Variants in C12orf42 observed in about 807,000 individuals in gnomAD.
C12orf42 encodes the protein chromosome 12 open reading frame 42.
Under a neutral mutation model 21.6 loss-of-function variants are expected in C12orf42, and 25 were observed. The ratio of observed to expected loss-of-function variants is 1.16; its 90% CI spans 0.84 to 1.62. The LOEUF is 1.62. C12orf42 is among the 40% of genes most tolerant of loss of function. C12orf42 has a pLI of 0.00. For synonymous variants in C12orf42, 174 were observed against 175.0 expected, an observed-to-expected ratio of 0.99 and a Z score of 0.05; for missense variants, 483 against 459.3, an observed-to-expected ratio of 1.05 and a Z score of -0.47.
chr12:103,187,908 CA>C, the C12orf42 span, among the ~76,000 whole-genome samples: 1 of 152,156 alleles, frequency 6.6e-6, no homozygotes, highest in Non-Finnish European at 1.5e-5. Flanking sequence ...AGGAGGCTTA[CA>C]AAACTACATA....
intron 4 of C12orf42, among the ~76,000 whole-genome samples, chr12:103,281,355 A>T (rs888323473): frequency 7.9e-5 from 12 of 152,136 alleles, no homozygotes; most frequent in Non-Finnish European, 1.6e-4. Flanking sequence ...CTTTTGTATC[A>T]TCCTGACGTG....
chr12:103,328,184 T>TC lies in C12orf42; in HGVS notation c.260-21840dup, dbSNP rs547896094. On this transcript the variant is annotated intron_variant, in intron 4 of 5. Coordinates refer to ENST00000548883, the MANE Select transcript of C12orf42 (RefSeq NM_198521.5). ...AAAAATATCCCTCCTTTTCAATAGT[T>TC]CCAGCAAAAATGCAAAGATAACATC... 3.9e-4 allele frequency among the ~76,000 whole-genome samples: 60 copies of TC among 152,196 alleles called. 1 individual carries two copies. In the South Asian group the frequency reaches 0.012, roughly 31 times the overall value.
At chr12:103,296,109 C>A (rs1020494207) in intron 4 of C12orf42, among the ~76,000 whole-genome samples, 2 of 149,318 alleles carry the variant, frequency 1.3e-5, no homozygotes, top group African/African-American at 2.5e-5. Flanking sequence ...CGAGAACAGG[C>A]GGTGTTTGGT....
rs147147676 is a variant in C12orf42, at chr12:103,244,275, G to A, written c.*1367-6373C>T. 6.0e-4 allele frequency among the ~76,000 whole-genome samples: 91 copies of A among 152,122 alleles called. 1 individual carries two copies. The East Asian group carries it at 0.012, about 20-fold the overall frequency. ...CTAACAAGGGCTCTTGGAGTGATTG[G>A]CAGATACCCTCTAAAAAGACAAGGG... On this transcript the variant is annotated intron_variant and NMD_transcript_variant, in intron 10 of 10. Transcript: ENST00000547347.
At chr12:103,229,569 T>G in the C12orf42 span, among the ~76,000 whole-genome samples, 1 of 152,214 alleles carries the variant, frequency 6.6e-6, no homozygotes, top group African/African-American at 2.4e-5. Flanking sequence ...AAACATAAGA[T>G]TTAAATATAT....
In C12orf42 at chr12:103,302,460, G is replaced by A. The variant is rs372316015; in HGVS notation, c.731C>T (p.Pro244Leu). Residue 244 changes from proline (P) to leucine (L), a missense_variant, in exon 6 of 6, where the codon CCG becomes CTG. By Grantham distance (98) the Pro-to-Leu change is moderately conservative. Transcript: ENST00000548883. The part of the protein sequence containing the change: ...STGPSNTELE[P>L]EERMAVPAGA... ...TGCTGGGACTGCCATCCTCTCCTCCGGCTCGAGCTCTGTGTTACTCGGGCC... is the reference window on the plus strand; with the variant it reads ...TGCTGGGACTGCCATCCTCTCCTCCAGCTCGAGCTCTGTGTTACTCGGGCC... 4 of 1,613,620 alleles carry A rather than the reference G, an allele frequency of 2.5e-6. No homozygotes were observed. The highest frequency in any genetic ancestry group is 2.2e-5 in the East Asian group (1 of 44,838).
At chr12:103,482,883 T>C (rs1410392498) in intron 1 of C12orf42, among the ~76,000 whole-genome samples, 2 of 152,180 alleles carry the variant, frequency 1.3e-5, no homozygotes, top group Non-Finnish European at 2.9e-5. Context: ...CAGGTTCTTC[T>C]TATCTACTAT....
chr12:103,094,780 A>G, the C12orf42 span, among the ~76,000 whole-genome samples: 3 of 152,154 alleles, frequency 2.0e-5, no homozygotes, highest in African/African-American at 7.2e-5. Flanking sequence ...CCTTCATTAA[A>G]TATCTGTGGT....
At chr12:103,165,498 A>G in the C12orf42 span, among the ~76,000 whole-genome samples, 1 of 152,348 alleles carries the variant, frequency 6.6e-6, no homozygotes, top group East Asian at 1.9e-4. Context: ...AAAGATAACA[A>G]TAGGTCTGAA....
At chr12:103,131,249 G>T in the C12orf42 span, among the ~76,000 whole-genome samples, 2 of 152,130 alleles carry the variant, frequency 1.3e-5, no homozygotes, top group Non-Finnish European at 1.5e-5. Flanking sequence ...GAATTATTTG[G>T]TGTCCTTGAA....
intron 4 of C12orf42, among the ~76,000 whole-genome samples, chr12:103,292,493 A>G (rs2036887272): frequency 6.6e-6 from 1 of 152,132 alleles, no homozygotes; most frequent in Non-Finnish European, 1.5e-5. Flanking sequence ...ACCAAAAAGA[A>G]AGAAAGGAGG....
chr12:103,469,179 G>A (rs1443275469), intron 2 of C12orf42, among the ~76,000 whole-genome samples: 3 of 152,240 alleles, frequency 2.0e-5, no homozygotes, highest in African/African-American at 7.2e-5. Flanking sequence ...GCTTGGGAAG[G>A]GGCAGGGCAG....
chr12:103,453,358 A>G (rs921666325), intron 2 of C12orf42, among the ~76,000 whole-genome samples: 1 of 151,884 alleles, frequency 6.6e-6, no homozygotes, highest in Non-Finnish European at 1.5e-5. Context: ...AAGTTTTAAT[A>G]CATCTTTGTC....
the C12orf42 span, among the ~76,000 whole-genome samples, chr12:103,159,240 T>C: frequency 6.6e-6 from 1 of 152,200 alleles, no homozygotes; most frequent in Non-Finnish European, 1.5e-5. Flanking sequence ...TCCCTGCACC[T>C]CTTCTTCCCC....
At chr12:103,479,315 C>T (rs1954293810) in intron 1 of C12orf42, among the ~76,000 whole-genome samples, 1 of 151,950 alleles carries the variant, frequency 6.6e-6, no homozygotes, top group African/African-American at 2.4e-5. Context: ...TGAGATAGTT[C>T]AATCAATAGG....
the C12orf42 span, chr12:103,081,413 G>C: frequency 6.6e-6 from 1 of 152,130 alleles, no homozygotes; most frequent in Non-Finnish European, 1.5e-5. Flanking sequence ...TTTCTTCATA[G>C]AGAGGCTGTC....
the C12orf42 span, among the ~76,000 whole-genome samples, chr12:103,090,507 T>A: frequency 6.6e-5 from 10 of 152,264 alleles, no homozygotes; most frequent in African/African-American, 2.4e-4. Flanking sequence ...AAAATCCACC[T>A]CATAGAGGTG....
the C12orf42 span, among the ~76,000 whole-genome samples, chr12:103,212,893 C>T: frequency 6.6e-6 from 1 of 151,920 alleles, no homozygotes; most frequent in South Asian, 2.1e-4. Flanking sequence ...ATGTTTGAAA[C>T]TCATTGATAA....
chr12:103,195,320 T>C, the C12orf42 span, among the ~76,000 whole-genome samples: 1 of 152,190 alleles, frequency 6.6e-6, no homozygotes, highest in Non-Finnish European at 1.5e-5. Context: ...AGTAATGGAA[T>C]TGCTGGGTTG....
Sources: allele counts gnomAD v4.1 joint callset (sites outside exome capture counted in the v4.1 genomes callset), GRCh38; gene constraint gnomAD v4.1.1; transcripts MANE v1.5; gene names NCBI Gene and HGNC (gene_info 2026-07-23, HGNC 2026-07-21).